The following LRRC37A2 variants were observed in gnomAD, a reference collection of about 807,000 sequenced individuals.
LRRC37A2 encodes leucine rich repeat containing 37 member A2.
LRRC37A2 carries 9 observed loss-of-function variants against 68.8 expected under a neutral mutation model. The ratio of observed to expected loss-of-function variants is 0.13; its 90% CI spans 0.08 to 0.23. LRRC37A2 has a LOEUF of 0.23. Ranked by LOEUF, LRRC37A2 falls within the 10% of genes least tolerant of loss-of-function variation. The pLI is 1.00. For missense variants in LRRC37A2, 168 were observed against 950.4 expected, an observed-to-expected ratio of 0.18 and a Z score of 10.82; for synonymous variants, 63 against 367.6, an observed-to-expected ratio of 0.17 and a Z score of 9.48.
At chr17:46,923,604 G>A in the LRRC37A2 span, 3 of 1,270,256 alleles carry the variant, frequency 2.4e-6, no homozygotes, top group Non-Finnish European at 3.0e-6. Context: ...CCTGGCCGTA[G>A]GAGTGTACTG....
chr17:46,837,722 G>A, the LRRC37A2 span, among the ~76,000 whole-genome samples: 1 of 152,190 alleles, frequency 6.6e-6, no homozygotes, highest in Admixed American at 6.5e-5. Context: ...TTGGAGGGAT[G>A]GCTCATGGTC....
the LRRC37A2 span, chr17:47,034,900 T>G: frequency 6.6e-6 from 1 of 152,202 alleles, no homozygotes; most frequent in Non-Finnish European, 1.5e-5. Context: ...GGCACTCACA[T>G]TCTTTCTCTT....
chr17:47,029,169 T>C, the LRRC37A2 span, among the ~76,000 whole-genome samples: 11,603 of 151,776 alleles, frequency 0.076, 530 homozygotes, highest in Middle Eastern at 0.13. Flanking sequence ...CAGGCTGGTC[T>C]CGAACTCCTG....
At chr17:46,801,506 G>A in the LRRC37A2 span, among the ~76,000 whole-genome samples, 9 of 122,708 alleles carry the variant, frequency 7.3e-5, no homozygotes, top group Non-Finnish European at 1.3e-4. Context: ...TGTAATCCCA[G>A]CAACTTGGGA....
chr17:46,713,842 T>C, the LRRC37A2 span: 1 of 1,608,022 alleles, frequency 6.2e-7, no homozygotes, highest in Non-Finnish European at 8.5e-7. Context: ...CTTGCTCATA[T>C]CTTTATGCAG....
At chr17:46,867,362 C>G in the LRRC37A2 span, among the ~76,000 whole-genome samples, 1 of 152,228 alleles carries the variant, frequency 6.6e-6, no homozygotes, top group Non-Finnish European at 1.5e-5. Flanking sequence ...GGGATTTGAA[C>G]CCAGGCAGTC....
the LRRC37A2 span, among the ~76,000 whole-genome samples, chr17:46,791,681 A>G: frequency 1.3e-5 from 2 of 152,274 alleles, no homozygotes; most frequent in East Asian, 1.9e-4. Flanking sequence ...TCTGCATTCT[A>G]CTTACATTCA....
At chr17:46,789,248 C>T in the LRRC37A2 span, among the ~76,000 whole-genome samples, 1 of 152,204 alleles carries the variant, frequency 6.6e-6, no homozygotes, top group African/African-American at 2.4e-5. Context: ...GCCACCAGGG[C>T]TGGCACCTAC....
chr17:46,755,209 A>C, the LRRC37A2 span: 1 of 791,606 alleles, frequency 1.3e-6, no homozygotes, highest in Admixed American at 1.9e-5. Context: ...GTGACCTAGC[A>C]GAGCATTGAT....
intron 8 of LRRC37A2, among the ~76,000 whole-genome samples, chr17:46,545,223 G>A (rs1285535381): frequency 1.5e-5 from 2 of 136,858 alleles, no homozygotes; most frequent in Non-Finnish European, 3.0e-5. Context: ...CTTGAGCCCA[G>A]GAGTTCTACA....
At chr17:46,998,668 C>T in the LRRC37A2 span, 2 of 152,268 alleles carry the variant, frequency 1.3e-5, no homozygotes, top group East Asian at 1.9e-4. Context: ...GGACTTCCCC[C>T]CACAAAACAT....
the LRRC37A2 span, among the ~76,000 whole-genome samples, chr17:46,729,362 A>G: frequency 6.6e-6 from 1 of 152,164 alleles, no homozygotes; most frequent in African/African-American, 2.4e-5. Context: ...TTCTTTGGGC[A>G]GTTAAAAAAC....
At chr17:46,547,246 A>T in intron 9 of LRRC37A2, 1 of 19,754 alleles carries the variant, frequency 5.1e-5, no homozygotes, top group East Asian at 6.8e-4. Flanking sequence ...CCTTTTACAG[A>T]TGAGGAAAAA....
At chr17:46,631,080 A>ACACACACACACACACACACACACACG in the LRRC37A2 span, among the ~76,000 whole-genome samples, 12 of 144,070 alleles carry the variant, frequency 8.3e-5, no homozygotes, top group African/African-American at 2.9e-4. Context: ...ACACACACAC[A>ACACACACACACACACACACACACACG]CACACACACA....
chr17:47,036,927 C>G, the LRRC37A2 span, among the ~76,000 whole-genome samples: 1 of 88,186 alleles, frequency 1.1e-5, no homozygotes, highest in East Asian at 3.0e-4. Flanking sequence ...TGTAATCAAC[C>G]CAAATGCCCA....
At chr17:46,818,861 C>G in the LRRC37A2 span, 2 of 541,032 alleles carry the variant, frequency 3.7e-6, no homozygotes, top group South Asian at 4.6e-5. Context: ...CCCTCCCGCC[C>G]GGCCCACAAC....
chr17:46,687,409 A>C, the LRRC37A2 span, among the ~76,000 whole-genome samples: 39,505 of 150,092 alleles, frequency 0.26, 3,597 homozygotes, highest in East Asian at 0.61. Context: ...AACAAACAAA[A>C]AAAATTCCCT....
At chr17:46,792,660 G>A in the LRRC37A2 span, among the ~76,000 whole-genome samples, 515 of 152,212 alleles carry the variant, frequency 3.4e-3, 5 homozygotes, top group African/African-American at 0.012. Context: ...TTTTAGTAGA[G>A]ACAGAGTTTC....
At chr17:47,001,387 G>C in the LRRC37A2 span, among the ~76,000 whole-genome samples, 2 of 62,330 alleles carry the variant, frequency 3.2e-5, no homozygotes, top group Admixed American at 2.3e-4. Flanking sequence ...CCCCACTTCT[G>C]AATCTACCAG....
Sources: gnomAD v4.1 joint callset for allele counts (sites outside exome capture counted in the v4.1 genomes callset) on GRCh38, gnomAD v4.1.1 for gene constraint, MANE v1.5 for transcripts, NCBI Gene and HGNC (gene_info 2026-07-23, HGNC 2026-07-21) for gene names.